BTG4: variants seen among roughly 807,000 people sequenced by gnomAD.
BTG4 encodes BTG anti-proliferation factor 4, also known as protein BTG4.
Under a neutral mutation model 19.3 loss-of-function variants are expected in BTG4, and 10 were observed. That is an observed-to-expected ratio of 0.52 (90% CI 0.32 to 0.88). The LOEUF (loss-of-function observed/expected upper bound fraction) is 0.88, where lower values mean the gene tolerates loss of function less well. Among genes scored for constraint, BTG4 ranks in the 40% least tolerant of loss-of-function variants. BTG4 has a pLI of 0.04. For synonymous variants in BTG4, 91 were observed against 95.7 expected, an observed-to-expected ratio of 0.95 and a Z score of 0.29; for missense variants, 238 against 281.9, an observed-to-expected ratio of 0.84 and a Z score of 1.11.
intron 1 of BTG4, among the ~76,000 whole-genome samples, chr11:111,506,729 T>A (rs2135727165): frequency 6.6e-6 from 1 of 152,148 alleles, no homozygotes; most frequent in East Asian, 1.9e-4. Flanking sequence ...TCTATACCAT[T>A]ATAATAAAAT....
At chr11:111,392,629 C>T in the BTG4 span, among the ~76,000 whole-genome samples, 1 of 152,204 alleles carries the variant, frequency 6.6e-6, no homozygotes, top group African/African-American at 2.4e-5. Context: ...GTGAGAACCA[C>T]AGCCTTATCT....
chr11:111,509,005 C>G (rs1355699451), intron 1 of BTG4, among the ~76,000 whole-genome samples: 1 of 152,030 alleles, frequency 6.6e-6, no homozygotes, highest in African/African-American at 2.4e-5. Flanking sequence ...ATTATAGAGA[C>G]TATTTTGTTA....
chr11:111,470,057 G>A (rs111758807), intron 5 of BTG4: 1 of 152,556 alleles, frequency 6.6e-6, no homozygotes, highest in Admixed American at 6.5e-5. Flanking sequence ...ATGCCTCAGT[G>A]TATTCAGATA....
chr11:111,437,314 C>A, the BTG4 span, among the ~76,000 whole-genome samples: 2 of 152,112 alleles, frequency 1.3e-5, no homozygotes, highest in South Asian at 2.1e-4. Context: ...AGATCATTCT[C>A]CTCCTCCAGT....
chr11:111,423,732 GAT>G, the BTG4 span, among the ~76,000 whole-genome samples: 2 of 152,184 alleles, frequency 1.3e-5, no homozygotes, highest in African/African-American at 4.8e-5. Context: ...TCAAAAAATA[GAT>G]ATCACCATCA....
At chr11:111,438,270 G>A in the BTG4 span, among the ~76,000 whole-genome samples, 1 of 152,156 alleles carries the variant, frequency 6.6e-6, no homozygotes, top group Non-Finnish European at 1.5e-5. Context: ...ATTTGTGTGG[G>A]CCAAATTCTA....
At chr11:111,411,266 C>A in the BTG4 span, among the ~76,000 whole-genome samples, 37 of 152,262 alleles carry the variant, frequency 2.4e-4, no homozygotes, top group Non-Finnish European at 2.9e-5. Flanking sequence ...GTTCATCCTG[C>A]TCCTGTCTCC....
At chr11:111,507,803 T>C (rs1463786665) in intron 1 of BTG4, 4 of 152,188 alleles carry the variant, frequency 2.6e-5, no homozygotes, top group Admixed American at 1.3e-4. Flanking sequence ...CTATTTTCTA[T>C]TCGAGATTAA....
intron 5 of BTG4, among the ~76,000 whole-genome samples, chr11:111,489,771 C>T (rs1204441822): frequency 6.6e-6 from 1 of 151,638 alleles, no homozygotes; most frequent in Admixed American, 6.6e-5. Context: ...TATATGTTCT[C>T]ATTCACACTT....
At chr11:111,412,797 T>A in the BTG4 span, among the ~76,000 whole-genome samples, 1 of 152,180 alleles carries the variant, frequency 6.6e-6, no homozygotes, top group African/African-American at 2.4e-5. Flanking sequence ...AACCAAGTCA[T>A]AACGGAAGAA....
At chr11:111,423,319 A>G in the BTG4 span, among the ~76,000 whole-genome samples, 18 of 152,322 alleles carry the variant, frequency 1.2e-4, no homozygotes, top group East Asian at 2.9e-3. Context: ...GCTCCCAAAT[A>G]AGGGCAGCAT....
the BTG4 span, chr11:111,404,496 A>C: frequency 2.3e-6 from 1 of 440,068 alleles, no homozygotes; most frequent in Non-Finnish European, 4.6e-6. Flanking sequence ...TAGAGAGGTG[A>C]AGCACACCAT....
downstream of BTG4, among the ~76,000 whole-genome samples, chr11:111,489,983 T>C (rs2135624691): frequency 6.6e-6 from 1 of 151,984 alleles, no homozygotes; most frequent in East Asian, 1.9e-4. Context: ...TTTAAATAAC[T>C]GAAAGTGGCC....
At chr11:111,450,623 C>A in the BTG4 span, 1,212 of 152,382 alleles carry the variant, frequency 8.0e-3, 9 homozygotes, top group Non-Finnish European at 0.011. Flanking sequence ...TCTGACCCCC[C>A]TCAATGTTTC....
At chr11:111,486,903 C>T (rs935157065) in intron 5 of BTG4, among the ~76,000 whole-genome samples, 3 of 152,088 alleles carry the variant, frequency 2.0e-5, no homozygotes, top group Admixed American at 6.6e-5. Context: ...TGGTTTGCTG[C>T]ACCTATCAAC....
chr11:111,437,887 G>A, the BTG4 span, among the ~76,000 whole-genome samples: 1 of 152,014 alleles, frequency 6.6e-6, no homozygotes, highest in African/African-American at 2.4e-5. Context: ...TCCTCAACAT[G>A]TCTAATAGCC....
chr11:111,413,923 A>T, the BTG4 span, among the ~76,000 whole-genome samples: 1 of 152,194 alleles, frequency 6.6e-6, no homozygotes, highest in Non-Finnish European at 1.5e-5. Context: ...CAACTGGCGT[A>T]GCTCCAGCCA....
At chr11:111,406,428 A>T in the BTG4 span, among the ~76,000 whole-genome samples, 2,545 of 152,248 alleles carry the variant, frequency 0.017, 74 homozygotes, top group African/African-American at 0.058. Flanking sequence ...GCTGACCACC[A>T]CATAGCTGAG....
chr11:111,476,123 T>C (rs1242839647), intron 5 of BTG4, among the ~76,000 whole-genome samples: 1 of 110,996 alleles, frequency 9.0e-6, no homozygotes, highest in Admixed American at 1.0e-4. Flanking sequence ...CCAAGAGAAG[T>C]ACCAGAATAG....
Sources: allele counts gnomAD v4.1 joint callset (sites outside exome capture counted in the v4.1 genomes callset), GRCh38; gene constraint gnomAD v4.1.1; transcripts MANE v1.5; gene names NCBI Gene and HGNC (gene_info 2026-07-23, HGNC 2026-07-21).